The following COPG2 variants were observed in gnomAD, a reference collection of about 807,000 sequenced individuals.
COPG2 encodes the protein coat protein complex I subunit gamma 2, also known as coatomer subunit gamma-2.
In COPG2, 37 loss-of-function variants were observed where a neutral mutation model predicts 46.3. That is an observed-to-expected ratio of 0.80 (90% CI 0.61 to 1.05). The LOEUF (loss-of-function observed/expected upper bound fraction) is 1.05. Among genes scored for constraint, COPG2 ranks in the 50% least tolerant of loss-of-function variants. The probability of loss-of-function intolerance (pLI) is 0.00; values close to 1 mark genes in which losing one functional copy is unlikely to be tolerated. For missense variants in COPG2, 427 were observed against 387.8 expected, an observed-to-expected ratio of 1.10 and a Z score of -0.85; for synonymous variants, 159 against 129.7, an observed-to-expected ratio of 1.23 and a Z score of -1.53.
intron 20 of COPG2, among the ~76,000 whole-genome samples, chr7:130,537,258 C>G (rs1799889393): frequency 6.6e-6 from 1 of 151,286 alleles, no homozygotes; most frequent in East Asian, 1.9e-4. Context: ...TTAGGGGAGT[C>G]AGGGTTGTGG....
intron 14 of COPG2, among the ~76,000 whole-genome samples, chr7:130,553,561 T>G (rs1793568349): frequency 6.6e-6 from 1 of 152,174 alleles, no homozygotes; most frequent in African/African-American, 2.4e-5. Context: ...ACTGAGTGGA[T>G]GATGAATGTG....
chr7:130,650,262 T>A (rs1795710617), intron 5 of COPG2, among the ~76,000 whole-genome samples: 1 of 152,162 alleles, frequency 6.6e-6, no homozygotes, highest in Non-Finnish European at 1.5e-5. Context: ...CAATCTTAAT[T>A]CCCTTTTGCC....
intron 5 of COPG2, among the ~76,000 whole-genome samples, chr7:130,651,010 T>C (rs924754234): frequency 6.6e-6 from 1 of 152,232 alleles, no homozygotes; most frequent in South Asian, 2.1e-4. Context: ...TTTTCTGTTA[T>C]TTTCAGCTGA....
rs1420345317 is a variant in COPG2 at position 130,605,870 on chromosome 7, T to C, written c.737+5083A>G. On this transcript the variant is annotated intron_variant, in intron 9 of 23. Coordinates refer to ENST00000425248, the MANE Select transcript of COPG2 (RefSeq NM_012133.6). Reference sequence around the variant, plus strand: ...TCTTGTTGTAAGCCATTACATTTAATGGTAATTTGTTATGGCAACAATAAA... The same window carrying C: ...TCTTGTTGTAAGCCATTACATTTAACGGTAATTTGTTATGGCAACAATAAA... The C allele has an allele frequency of 6.7e-6, 3 of 449,650 alleles. No individual in the cohort carries two copies. In the Admixed American group the frequency reaches 7.8e-5, roughly 12 times the overall value. 27.9% of individuals were successfully genotyped at this position (449,650 alleles called of 1,614,324 possible). A position where few individuals can be genotyped will look rare whatever the true frequency, so the allele number is the denominator to read the frequency against.
intron 20 of COPG2, chr7:130,509,288 TTAAG>T (rs782673383): frequency 5.8e-6 from 3 of 514,584 alleles, no homozygotes; most frequent in Non-Finnish European, 1.2e-5. Context: ...ACAAGTGGTG[TTAAG>T]TAATAAGAAA....
At position 130,538,794 on chromosome 7, in the gene COPG2, C is replaced by A. The variant is rs942334237; in HGVS notation, c.2149+8880G>T. On this transcript the variant is annotated intron_variant, in intron 20 of 23. Coordinates refer to ENST00000425248, the MANE Select transcript of COPG2 (RefSeq NM_012133.6). ...AGACAATTCCTAGTGACCACTGAGT[C>A]TGAACCTCTGTTGTCAAGGGAGCCT... 1.2e-4 allele frequency among the ~76,000 whole-genome samples: 18 copies of A among 152,218 alleles called. No homozygotes were observed. In the East Asian group the frequency reaches 3.5e-3, roughly 29 times the overall value.
intron 9 of COPG2, among the ~76,000 whole-genome samples, chr7:130,600,089 T>C (rs554619180): frequency 1.3e-5 from 2 of 152,290 alleles, no homozygotes; most frequent in East Asian, 3.9e-4. Context: ...TCTGAGACAG[T>C]TGTGTTAAAG....
chr7:130,552,014 G>C (rs1370054012), intron 15 of COPG2, among the ~76,000 whole-genome samples: 1 of 152,146 alleles, frequency 6.6e-6, no homozygotes, highest in Non-Finnish European at 1.5e-5. Flanking sequence ...AATGTGACAT[G>C]TACCTAGCAA....
At chr7:130,661,572 G>A (rs1795981207) in intron 4 of COPG2, among the ~76,000 whole-genome samples, 1 of 152,202 alleles carries the variant, frequency 6.6e-6, no homozygotes. Flanking sequence ...TTGCTTCTCT[G>A]ATTTGATTGA....
intron 9 of COPG2, among the ~76,000 whole-genome samples, chr7:130,609,608 C>CA (rs1362565338): frequency 5.9e-5 from 9 of 152,300 alleles, no homozygotes; most frequent in Admixed American, 4.6e-4. Flanking sequence ...CATTCTGTTT[C>CA]CTTTCCTTCT....
At chr7:130,546,386 G>A (rs1221982603) in intron 20 of COPG2, among the ~76,000 whole-genome samples, 3 of 152,200 alleles carry the variant, frequency 2.0e-5, no homozygotes, top group Admixed American at 6.5e-5. Flanking sequence ...GACCAGGAGA[G>A]AAAGCGAAGT....
Position 130,615,927 on chromosome 7 carries a change from C to G in COPG2, c.399+1063G>C, listed in dbSNP as rs1459014569. On this transcript the variant is annotated intron_variant, in intron 6 of 23. Coordinates refer to ENST00000425248, the MANE Select transcript of COPG2 (RefSeq NM_012133.6). ...TAAATTTCCCCCACTCCTTAGATCC[C>G]CCTTAGGACATAATACTTGATATTG... Among the ~76,000 whole-genome samples, 7 of 152,260 alleles carry G rather than the reference C, an allele frequency of 4.6e-5. No homozygotes were observed. The East Asian group carries it at 1.4e-3, about 29-fold the overall frequency.
At chr7:130,532,340 T>C (rs1276011216) in intron 20 of COPG2, among the ~76,000 whole-genome samples, 6 of 151,740 alleles carry the variant, frequency 4.0e-5, no homozygotes, top group African/African-American at 1.5e-4. Flanking sequence ...ATGTGGGCTG[T>C]GCGGGTGAGA....
chr7:130,638,162 C>T (rs557991070), intron 5 of COPG2, among the ~76,000 whole-genome samples: 26 of 152,290 alleles, frequency 1.7e-4, no homozygotes, highest in East Asian at 7.7e-4. Context: ...TGTCTGTTGA[C>T]CCCTGCTGGG....
chr7:130,538,710 T>C (rs1447219490), intron 20 of COPG2, among the ~76,000 whole-genome samples: 2 of 151,864 alleles, frequency 1.3e-5, no homozygotes, highest in Admixed American at 6.6e-5. Context: ...TCATGTGTTT[T>C]GAGTCTAGTA....
chr7:130,551,890 A>G (rs1793538478), intron 15 of COPG2, among the ~76,000 whole-genome samples: 1 of 152,240 alleles, frequency 6.6e-6, no homozygotes, highest in East Asian at 1.9e-4. Flanking sequence ...TATTATTTTT[A>G]ACTCTGCATA....
At chr7:130,604,422 T>C (rs544981836) in intron 9 of COPG2, among the ~76,000 whole-genome samples, 21 of 152,348 alleles carry the variant, frequency 1.4e-4, no homozygotes, top group African/African-American at 5.1e-4. Flanking sequence ...AGTAGATACA[T>C]TCCCAAGGAT....
At chr7:130,506,913 C>T in intron 23 of COPG2, 107 bp from the exon 24 acceptor site, 1 of 621,830 alleles carries the variant, frequency 1.6e-6, no homozygotes, top group African/African-American at 1.9e-5. Context: ...TTTAGTTTAG[C>T]TTTTCCAGAG....
At chr7:130,608,021 G>T (rs1209039559) in intron 9 of COPG2, 3 of 340,766 alleles carry the variant, frequency 8.8e-6, no homozygotes, top group Non-Finnish European at 1.7e-5. Flanking sequence ...GGATTAAGCT[G>T]GCCAAGCTAC....
Sources: gnomAD v4.1 joint callset for allele counts (sites outside exome capture counted in the v4.1 genomes callset) on GRCh38, gnomAD v4.1.1 for gene constraint, MANE v1.5 for transcripts, NCBI Gene and HGNC (gene_info 2026-07-23, HGNC 2026-07-21) for gene names.